Variants in COL8A2 observed in about 807,000 individuals in gnomAD.
The protein encoded by COL8A2 is collagen alpha-2(VIII) chain.
Under a neutral mutation model 24.0 loss-of-function variants are expected in COL8A2, and 16 were observed. That is an observed-to-expected ratio of 0.67 (90% CI 0.45 to 1.01). The LOEUF is 1.01. COL8A2 is among the 50% of genes least tolerant of loss of function. COL8A2 has a pLI of 0.00. For missense variants in COL8A2, 818 were observed against 942.4 expected (o/e 0.87, Z 1.73); for synonymous variants, 466 against 424.5 (o/e 1.10, Z -1.20).
chr1:36,115,686 C>T lies in COL8A2; in HGVS notation c.-17+22G>A. On this transcript the variant is annotated intron_variant, in intron 2 of 3. Transcript: ENST00000397799. The surrounding 1 kb of genome is among the most constrained non-coding windows in gnomAD (Gnocchi z 5.7). ...CATCTGGCCTGAGATATCAGAAAAC[C>T]CCATCCCCAAACCTAGCTTACCTTT... 2 of 984,936 alleles carry T rather than the reference C, an allele frequency of 2.0e-6. No homozygotes were observed. The highest frequency in any genetic ancestry group is 2.4e-6 in the Non-Finnish European group (2 of 829,598). 61.0% of individuals were successfully genotyped at this position (984,936 alleles called of 1,614,324 possible).
chr1:36,109,019 G>C (rs1643801097), intron 2 of COL8A2, among the ~76,000 whole-genome samples: 1 of 152,156 alleles, frequency 6.6e-6, no homozygotes, highest in South Asian at 2.1e-4. Flanking sequence ...GCACCCGCTA[G>C]GTTCCCAACG....
At chr1:36,119,309 G>A (rs1217302814) in intron 1 of COL8A2, among the ~76,000 whole-genome samples, 1 of 152,154 alleles carries the variant, frequency 6.6e-6, no homozygotes, top group Non-Finnish European at 1.5e-5. Context: ...TATAATCACT[G>A]GCCTGGCACA....
chr1:36,106,243 G>A (rs1292351047), intron 2 of COL8A2, among the ~76,000 whole-genome samples: 1 of 150,206 alleles, frequency 6.7e-6, no homozygotes, highest in Admixed American at 6.7e-5. Context: ...CAGCTTGGGC[G>A]ACAGAGAGAG....
chr1:36,103,075 C>G, intron 2 of COL8A2, among the ~76,000 whole-genome samples: 1 of 152,188 alleles, frequency 6.6e-6, no homozygotes, highest in Admixed American at 6.5e-5. Context: ...CTCGGCCTCC[C>G]GGGCTCAAGT....
chr1:36,099,015 C>T lies in COL8A2; in HGVS notation c.666G>A (p.Gly222=). ...GGAGGCCGGGGGGGCCGGGGGCACC[C>T]CCCTGCCCTGGGGCCCCAGGCAGCC... ...QPGLPGAPGQ[G]GAPGPPGLPG... is the part of the protein sequence containing the mutation. Residue 222 remains glycine (G), a synonymous_variant, in exon 4 of 4, where the codon GGG becomes GGA. Coordinates refer to ENST00000397799, the MANE Select transcript of COL8A2 (RefSeq NM_005202.4). 1 of 1,571,104 alleles carries T rather than the reference C, an allele frequency of 6.4e-7. No homozygotes were observed. The highest frequency in any genetic ancestry group is 1.1e-5 in the South Asian group (1 of 87,222).
chr1:36,108,386 G>A (rs528254276), intron 2 of COL8A2, among the ~76,000 whole-genome samples: 2 of 152,368 alleles, frequency 1.3e-5, no homozygotes, highest in African/African-American at 4.8e-5. Context: ...GACTGGCTGT[G>A]TGACCCTGGG....
intron 1 of COL8A2, among the ~76,000 whole-genome samples, chr1:36,122,029 T>C (rs1308434753): frequency 6.6e-6 from 1 of 152,146 alleles, no homozygotes; most frequent in African/African-American, 2.4e-5. Flanking sequence ...TGCATGGGGA[T>C]AGTCAGCCTC....
At chr1:36,104,086 T>TG (rs1643720342) in intron 2 of COL8A2, among the ~76,000 whole-genome samples, 1 of 148,972 alleles carries the variant, frequency 6.7e-6, no homozygotes, top group African/African-American at 2.5e-5. Flanking sequence ...CCCAGCTACT[T>TG]GGGGGGCTGC....
At chr1:36,119,529 G>T (rs1006591175) in intron 1 of COL8A2, among the ~76,000 whole-genome samples, 2 of 152,178 alleles carry the variant, frequency 1.3e-5, no homozygotes, top group African/African-American at 4.8e-5. Context: ...CCCCAATCCA[G>T]CCCCTGCTGC....
chr1:36,099,003 G>C lies in COL8A2; in HGVS notation c.678C>G (p.Gly226=). 1 of 1,585,118 alleles carries C rather than the reference G, an allele frequency of 6.3e-7. No homozygotes were observed. The highest frequency in any genetic ancestry group is 8.6e-7 in the Non-Finnish European group (1 of 1,163,692). Residue 226 remains glycine (G), a synonymous_variant, in exon 4 of 4, where the codon GGC becomes GGG. Transcript: ENST00000397799. ...PGAPGQGGAP[G]PPGLPGPAGL... The stretch of plus-strand genomic sequence containing the variant: ...CAGCTGGACCAGGGAGGCCGGGGGG[G>C]CCGGGGGCACCCCCCTGCCCTGGGG...
Position 36,123,038 on chromosome 1 carries a change from C to T in COL8A2, c.-62+2019G>A, listed in dbSNP as rs1431602850. 6.6e-6 allele frequency among the ~76,000 whole-genome samples: 1 copy of T among 152,164 alleles called. No individual in the cohort carries two copies. Among genetic ancestry groups the T allele is most frequent in the Non-Finnish European group, 1.5e-5 (1 of 68,028 alleles). Reference sequence around the variant, plus strand: ...TGTCAAAATTATCATCTTCGAAAGCCCTGGCCAGATTACCTCTTAGGTGCC... The same window carrying T: ...TGTCAAAATTATCATCTTCGAAAGCTCTGGCCAGATTACCTCTTAGGTGCC... On this transcript the variant is annotated intron_variant, in intron 1 of 3. Transcript: ENST00000397799. This position sits in a 1 kb window ranked among gnomAD's most constrained non-coding sequence, Gnocchi z 4.1.
intron 2 of COL8A2, among the ~76,000 whole-genome samples, chr1:36,111,051 G>C (rs1288204799): frequency 6.6e-6 from 1 of 152,176 alleles, no homozygotes; most frequent in African/African-American, 2.4e-5. Context: ...AAACTGGGGA[G>C]CCCTTTCCCA....
chr1:36,098,541 C>G lies in COL8A2; in HGVS notation c.1140G>C (p.Glu380Asp), dbSNP rs375174124. 87 of 1,600,478 alleles carry G rather than the reference C, an allele frequency of 5.4e-5. 2 individuals carry two copies. The highest frequency in any genetic ancestry group is 5.2e-4 in the East Asian group (23 of 43,914). The change falls in exon 4 of 4, where the codon GAG becomes GAC. Residue 380 changes from glutamate to aspartate, a missense_variant. Around this residue, in one of 3 missense-constraint regions of COL8A2, gnomAD observed 573 missense variants for 616.8 expected, o/e 0.93. Transcript: ENST00000397799. ...CTCCTGGGGGTCCTCCAGGCCCTGC[C>G]TCACCCTTAGGCCCAGGGGGCCCAC... ...GRRGPPGPKGEAGPGGPPGVP... is the reference protein window; with the variant it reads ...GRRGPPGPKGDAGPGGPPGVP...
At chr1:36,109,428 C>T (rs978082737) in intron 2 of COL8A2, among the ~76,000 whole-genome samples, 7 of 152,160 alleles carry the variant, frequency 4.6e-5, no homozygotes, top group Admixed American at 2.0e-4. Flanking sequence ...CTCTAAGGCC[C>T]TCCTAGTTCC....
At position 36,095,872 on chromosome 1, in the gene COL8A2, A is replaced by G. The variant is rs557409077; in HGVS notation, c.*1697T>C. 1.3e-5 allele frequency: 2 copies of G among 152,176 alleles called. No individual in the cohort carries two copies. The highest frequency in any genetic ancestry group is 2.9e-5 in the Non-Finnish European group (2 of 68,040). The allele number at this position is 152,176 out of a possible 1,614,324, so 9.4% of individuals were successfully genotyped here. A position where few individuals can be genotyped will look rare whatever the true frequency, so the allele number is the denominator to read the frequency against. ...AGAAATCCACCAGGAACCCCAGCCA[A>G]AACCTTCTCAAGTGTCACTTGGGCA... On this transcript the variant is annotated 3_prime_UTR_variant, in exon 4 of 4. Coordinates refer to ENST00000397799, the MANE Select transcript of COL8A2 (RefSeq NM_005202.4).
intron 1 of COL8A2, among the ~76,000 whole-genome samples, chr1:36,121,118 C>T (rs981863261): frequency 1.4e-4 from 20 of 147,852 alleles, no homozygotes; most frequent in African/African-American, 2.3e-4. Flanking sequence ...AGGCATGGCA[C>T]GGTGGCTCAC....
intron 2 of COL8A2, among the ~76,000 whole-genome samples, chr1:36,106,611 G>A (rs555226338): frequency 3.7e-4 from 56 of 152,330 alleles, no homozygotes; most frequent in African/African-American, 1.3e-3. Context: ...CACCACAAGA[G>A]GATCCAGAAC....
chr1:36,105,842 A>G (rs944613680), intron 2 of COL8A2, among the ~76,000 whole-genome samples: 2 of 151,760 alleles, frequency 1.3e-5, no homozygotes, highest in Non-Finnish European at 2.9e-5. Context: ...CTGGCTACTC[A>G]GGAGGCTGAG....
intron 2 of COL8A2, among the ~76,000 whole-genome samples, chr1:36,107,931 G>C (rs976360798): frequency 6.6e-6 from 1 of 152,060 alleles, no homozygotes; most frequent in Non-Finnish European, 1.5e-5. Flanking sequence ...CGATACCCAC[G>C]GGTCCCCGTC....
Sources: gnomAD v4.1 joint callset for allele counts (sites outside exome capture counted in the v4.1 genomes callset) on GRCh38, gnomAD v4.1.1 for gene constraint, gnomAD v4.1.1 regional missense constraint, Gnocchi (gnomAD v3.1) non-coding constraint, MANE v1.5 for transcripts, NCBI Gene and HGNC (gene_info 2026-07-23, HGNC 2026-07-21) for gene names.